Variants in SIL1 observed in about 807,000 individuals in gnomAD.
SIL1 encodes the protein SIL1 nucleotide exchange factor.
SIL1 carries 40 observed loss-of-function variants against 49.1 expected under a neutral mutation model. That is an observed-to-expected ratio of 0.81 (90% confidence interval 0.63 to 1.06). SIL1 has a LOEUF of 1.06. Among genes scored for constraint, SIL1 ranks in the 50% least tolerant of loss-of-function variants. The pLI is 0.00. For missense variants in SIL1, 500 were observed against 572.6 expected (o/e 0.87, Z 1.29); for synonymous variants, 253 against 250.8 (o/e 1.01, Z -0.08).
At chr5:138,959,625 C>A (rs776994650) in intron 7 of SIL1, among the ~76,000 whole-genome samples, 12 of 152,226 alleles carry the variant, frequency 7.9e-5, no homozygotes, top group Admixed American at 2.6e-4. Flanking sequence ...ACAACGTGGC[C>A]TCACGGGATT....
intron 5 of SIL1, among the ~76,000 whole-genome samples, chr5:139,038,252 G>T (rs1352336614): frequency 6.6e-6 from 1 of 152,104 alleles, no homozygotes; most frequent in Non-Finnish European, 1.5e-5. Flanking sequence ...CTGGTTCTTG[G>T]TATGAAAAGT....
At chr5:139,141,672 A>G (rs1751082900) in intron 1 of SIL1, among the ~76,000 whole-genome samples, 1 of 152,030 alleles carries the variant, frequency 6.6e-6, no homozygotes, top group Non-Finnish European at 1.5e-5. Flanking sequence ...CAGATGCATA[A>G]AAAATTGTTG....
intron 5 of SIL1, among the ~76,000 whole-genome samples, chr5:139,040,944 C>T (rs1769034557): frequency 6.6e-6 from 1 of 152,086 alleles, no homozygotes; most frequent in Admixed American, 6.5e-5. Flanking sequence ...AAACACACTC[C>T]CAGGGAAAGC....
chr5:139,197,945 C>G (rs1752310088), intron 1 of SIL1, among the ~76,000 whole-genome samples: 1 of 152,158 alleles, frequency 6.6e-6, no homozygotes, highest in South Asian at 2.1e-4. Context: ...CGGACAGATA[C>G]GGAAACTTAG....
intron 7 of SIL1, among the ~76,000 whole-genome samples, chr5:139,002,095 C>T (rs1379962327): frequency 1.3e-5 from 2 of 151,924 alleles, no homozygotes; most frequent in Non-Finnish European, 2.9e-5. Flanking sequence ...CCTGTAGTCC[C>T]AGCTACCTGG....
intron 1 of SIL1, among the ~76,000 whole-genome samples, chr5:139,189,521 A>G (rs778242154): frequency 2.0e-5 from 3 of 152,232 alleles, no homozygotes; most frequent in Non-Finnish European, 4.4e-5. Flanking sequence ...TTCATTACAT[A>G]CTATAATGTA....
intron 7 of SIL1, among the ~76,000 whole-genome samples, chr5:138,963,101 C>T (rs1472667845): frequency 6.6e-6 from 1 of 152,138 alleles, no homozygotes; most frequent in African/African-American, 2.4e-5. Flanking sequence ...TATTTTAGGT[C>T]TTCTATACTC....
intron 7 of SIL1, among the ~76,000 whole-genome samples, chr5:138,990,015 G>A (rs537260239): frequency 6.6e-6 from 1 of 152,154 alleles, no homozygotes; most frequent in Non-Finnish European, 1.5e-5. Context: ...AAAGGCATGC[G>A]TGCGACAGGA....
chr5:139,172,612 A>G (rs1041276923), intron 1 of SIL1, among the ~76,000 whole-genome samples: 2 of 149,054 alleles, frequency 1.3e-5, no homozygotes, highest in African/African-American at 4.9e-5. Context: ...CGGCCGGGGA[A>G]TAGCGTGAGA....
At chr5:139,195,596 C>T (rs1581164470) in intron 1 of SIL1, among the ~76,000 whole-genome samples, 1 of 151,880 alleles carries the variant, frequency 6.6e-6, no homozygotes, top group South Asian at 2.1e-4. Context: ...ACCGTGTTAG[C>T]CAGGATGGTC....
chr5:139,147,512 T>G (rs1751216087), intron 1 of SIL1, among the ~76,000 whole-genome samples: 1 of 152,222 alleles, frequency 6.6e-6, no homozygotes, highest in South Asian at 2.1e-4. Context: ...ATCCCAACCC[T>G]GATTGGCATA....
intron 7 of SIL1, among the ~76,000 whole-genome samples, chr5:138,978,731 C>T (rs1313278819): frequency 6.6e-6 from 1 of 152,112 alleles, no homozygotes; most frequent in African/African-American, 2.4e-5. Context: ...ATACAGTGTT[C>T]TCTCATTGTG....
At chr5:139,079,872 A>G (rs947519059) in intron 3 of SIL1, among the ~76,000 whole-genome samples, 7 of 152,210 alleles carry the variant, frequency 4.6e-5, no homozygotes, top group Admixed American at 2.6e-4. Flanking sequence ...AACATTTTAC[A>G]ATGACTTTTT....
chr5:139,049,719 G>C (rs996983417), intron 4 of SIL1, among the ~76,000 whole-genome samples: 3 of 151,738 alleles, frequency 2.0e-5, no homozygotes, highest in Non-Finnish European at 4.4e-5. Flanking sequence ...CTTGAGCCCA[G>C]GAGTTTGAGG....
At chr5:139,153,868 C>T (rs1751355912) in intron 1 of SIL1, among the ~76,000 whole-genome samples, 1 of 152,166 alleles carries the variant, frequency 6.6e-6, no homozygotes, top group African/African-American at 2.4e-5. Flanking sequence ...TCCACAGTAC[C>T]CCAAGCTAAC....
intron 7 of SIL1, among the ~76,000 whole-genome samples, chr5:139,011,322 C>T (rs1768265538): frequency 6.6e-6 from 1 of 152,320 alleles, no homozygotes; most frequent in Non-Finnish European, 1.5e-5. Flanking sequence ...TGCTTCGGCT[C>T]CCGCACCGTG....
intron 3 of SIL1, 124 bp from the exon 4 acceptor site, chr5:139,051,170 C>T (rs3828600): frequency 2.5e-6 from 2 of 785,242 alleles, no homozygotes; most frequent in Non-Finnish European, 4.5e-6. Flanking sequence ...TCAGTTACCT[C>T]CTCAATCCAC....
intron 3 of SIL1, among the ~76,000 whole-genome samples, chr5:139,111,892 C>T (rs1039011661): frequency 1.3e-5 from 2 of 152,174 alleles, no homozygotes; most frequent in Non-Finnish European, 2.9e-5. Flanking sequence ...CCTCTGATGC[C>T]GAGCCAAAGC....
intron 1 of SIL1, among the ~76,000 whole-genome samples, chr5:139,170,314 C>T (rs1160178165): frequency 6.6e-6 from 1 of 152,022 alleles, no homozygotes. Flanking sequence ...AGGAGCGTCT[C>T]TGCTTGGCCG....
Sources: gnomAD v4.1 joint callset for allele counts (sites outside exome capture counted in the v4.1 genomes callset) on GRCh38, gnomAD v4.1.1 for gene constraint, MANE v1.5 for transcripts, NCBI Gene and HGNC (gene_info 2026-07-23, HGNC 2026-07-21) for gene names.